IL1RAPL2: variants seen among roughly 807,000 people sequenced by gnomAD.
IL1RAPL2 encodes the protein X-linked interleukin-1 receptor accessory protein-like 2.
In IL1RAPL2, 3 loss-of-function variants were observed where a neutral mutation model predicts 44.1. The ratio of observed to expected loss-of-function variants is 0.07; its 90% CI spans 0.03 to 0.18. IL1RAPL2 has a LOEUF of 0.18. IL1RAPL2 is among the 10% of genes least tolerant of loss of function. The pLI is 1.00. For synonymous variants in IL1RAPL2, 181 were observed against 178.8 expected (o/e 1.01, Z -0.10); for missense variants, 391 against 496.4 (o/e 0.79, Z 2.02).
chrX:104,607,086 A>C (rs1029641071), intron 1 of IL1RAPL2, among the ~76,000 whole-genome samples: 1 of 111,739 alleles, frequency 8.9e-6, no homozygotes, highest in Non-Finnish European at 1.9e-5. Context: ...ACAACACCAC[A>C]CATCTACAAC....
At chrX:104,873,276 T>A (rs1300665665) in intron 2 of IL1RAPL2, among the ~76,000 whole-genome samples, 1 of 111,232 alleles carries the variant, frequency 9.0e-6, no homozygotes, top group Non-Finnish European at 1.9e-5. Context: ...GGACTCCACA[T>A]TCGTCACTGA....
chrX:105,214,703 T>C (rs2033837910), intron 3 of IL1RAPL2, among the ~76,000 whole-genome samples: 2 of 111,812 alleles, frequency 1.8e-5, no homozygotes, highest in African/African-American at 6.5e-5. Context: ...GCACGTACTC[T>C]AAAATTGACC....
intron 6 of IL1RAPL2, among the ~76,000 whole-genome samples, chrX:105,507,364 G>A (rs762382351): frequency 7.2e-5 from 8 of 111,625 alleles, no homozygotes; most frequent in East Asian, 5.7e-4. Context: ...AAGAGGTGGC[G>A]TGGCCATCAA....
intron 1 of IL1RAPL2, among the ~76,000 whole-genome samples, chrX:104,581,287 G>A (rs1251108684): frequency 8.9e-6 from 1 of 111,751 alleles, no homozygotes; most frequent in East Asian, 2.8e-4. Context: ...TATGTGGCTC[G>A]GCCAACTTTT....
At chrX:104,993,870 A>C (rs1017571583) in intron 2 of IL1RAPL2, among the ~76,000 whole-genome samples, 2 of 111,891 alleles carry the variant, frequency 1.8e-5, no homozygotes, top group South Asian at 3.7e-4. Flanking sequence ...CTCACTCTTA[A>C]CCACTATGCT....
intron 2 of IL1RAPL2, among the ~76,000 whole-genome samples, chrX:105,023,774 T>TA (rs201162982): frequency 0.018 from 2,012 of 111,400 alleles, 50 homozygotes; most frequent in African/African-American, 0.062. Flanking sequence ...GTAAGAAGAA[T>TA]AAAAAAGTAG....
intron 6 of IL1RAPL2, among the ~76,000 whole-genome samples, chrX:105,495,055 A>C (rs2036347690): frequency 8.9e-6 from 1 of 112,683 alleles, no homozygotes; most frequent in Admixed American, 9.4e-5. Context: ...GAAAAGTCAA[A>C]GGCTGAAAGC....
chrX:104,615,335 A>C (rs2148005855), intron 1 of IL1RAPL2, among the ~76,000 whole-genome samples: 1 of 111,022 alleles, frequency 9.0e-6, no homozygotes, highest in East Asian at 2.8e-4. Flanking sequence ...CTAGGTATTA[A>C]GCCTAGCATG....
chrX:104,960,285 G>C (rs747930311), intron 2 of IL1RAPL2, among the ~76,000 whole-genome samples: 6 of 112,177 alleles, frequency 5.3e-5, no homozygotes, highest in Non-Finnish European at 9.4e-5. Flanking sequence ...CTAAGGTTTT[G>C]TTTAGAATAA....
intron 2 of IL1RAPL2, among the ~76,000 whole-genome samples, chrX:104,829,382 G>T (rs1421287309): frequency 9.0e-6 from 1 of 111,526 alleles, no homozygotes; most frequent in Non-Finnish European, 1.9e-5. Context: ...GGCTAGGGGA[G>T]GGAGTTCCAC....
At chrX:105,307,016 G>A (rs755675415) in intron 5 of IL1RAPL2, among the ~76,000 whole-genome samples, 43 of 110,809 alleles carry the variant, frequency 3.9e-4, no homozygotes, top group Non-Finnish European at 4.9e-4. Flanking sequence ...GCAGGCGTGC[G>A]TGCACATGCA....
chrX:105,317,754 C>T lies in IL1RAPL2; in HGVS notation c.697+50213C>T, dbSNP rs7887183. ...ATTTTTCTTTTTTCCCCCCTGAGAACAAAAAGCATTAATATAACTTAGGTG... is the reference window on the plus strand; with the variant it reads ...ATTTTTCTTTTTTCCCCCCTGAGAATAAAAAGCATTAATATAACTTAGGTG... On this transcript the variant is annotated intron_variant, in intron 5 of 10. Coordinates refer to ENST00000372582, the MANE Select transcript of IL1RAPL2 (RefSeq NM_017416.2). 5.9e-3 allele frequency among the ~76,000 whole-genome samples: 653 copies of T among 110,177 alleles called. 10 individuals are homozygous for T. The highest frequency in any genetic ancestry group is 0.02 in the African/African-American group (616 of 30,287).
At chrX:105,542,425 C>G (rs2036745690) in intron 6 of IL1RAPL2, among the ~76,000 whole-genome samples, 1 of 111,461 alleles carries the variant, frequency 9.0e-6, no homozygotes, top group Non-Finnish European at 1.9e-5. Flanking sequence ...TAGAATAAAC[C>G]CCCCTCTTGG....
chrX:104,961,386 T>C (rs2030003856), intron 2 of IL1RAPL2, among the ~76,000 whole-genome samples: 1 of 111,962 alleles, frequency 8.9e-6, no homozygotes, highest in South Asian at 3.7e-4. Context: ...GCTTTTCAGA[T>C]TTGTCTGAGT....
At chrX:104,823,718 A>T (rs1921373273) in intron 2 of IL1RAPL2, among the ~76,000 whole-genome samples, 1 of 111,305 alleles carries the variant, frequency 9.0e-6, no homozygotes, top group African/African-American at 3.3e-5. Context: ...TCCCACCAAC[A>T]GTATAAAAGT....
intron 2 of IL1RAPL2, among the ~76,000 whole-genome samples, chrX:104,786,799 A>G (rs991840550): frequency 9.0e-6 from 1 of 111,257 alleles, no homozygotes; most frequent in Non-Finnish European, 1.9e-5. Context: ...TAAAAATATA[A>G]GATTTGAGGT....
intron 5 of IL1RAPL2, among the ~76,000 whole-genome samples, chrX:105,305,053 G>A (rs949732160): frequency 1.8e-5 from 2 of 111,211 alleles, no homozygotes; most frequent in Non-Finnish European, 3.8e-5. Context: ...CAGATCTCAT[G>A]AAAACTTTAT....
At chrX:105,273,811 T>C (rs1309749498) in intron 5 of IL1RAPL2, among the ~76,000 whole-genome samples, 1 of 111,968 alleles carries the variant, frequency 8.9e-6, no homozygotes, top group Non-Finnish European at 1.9e-5. Context: ...TATTCTGCTT[T>C]TGTGAGTTGA....
chrX:105,734,054 T>C (rs12838624), intron 7 of IL1RAPL2, among the ~76,000 whole-genome samples: 6 of 111,514 alleles, frequency 5.4e-5, no homozygotes, highest in Non-Finnish European at 1.1e-4. Context: ...TTCCCTCTAG[T>C]GTTTTTGTTC....
Sources: gnomAD v4.1 joint callset for allele counts (sites outside exome capture counted in the v4.1 genomes callset) on GRCh38, gnomAD v4.1.1 for gene constraint, MANE v1.5 for transcripts, NCBI Gene and HGNC (gene_info 2026-07-23, HGNC 2026-07-21) for gene names.